Variants in GREB1L observed in about 807,000 individuals in gnomAD.
The protein encoded by GREB1L is GREB1 like retinoic acid receptor coactivator.
Under a neutral mutation model 200.8 loss-of-function variants are expected in GREB1L, and 17 were observed. That is an observed-to-expected ratio of 0.08 (90% CI 0.06 to 0.13). GREB1L has a LOEUF of 0.13. Ranked by LOEUF, GREB1L falls within the 10% of genes least tolerant of loss-of-function variation. GREB1L has a pLI of 1.00. For synonymous variants in GREB1L, 789 were observed against 893.0 expected (o/e 0.88, Z 2.08); for missense variants, 1,657 against 2,367.7 (o/e 0.70, Z 6.23).
At position 21,473,305 on chromosome 18, in the gene GREB1L, C is replaced by T. The variant is rs1203875976; in HGVS notation, c.2363+94C>T. 8 of 975,272 alleles carry T rather than the reference C, an allele frequency of 8.2e-6. 1 individual carries two copies. The Admixed American group carries it at 2.0e-4, about 24-fold the overall frequency. The allele number at this position is 975,272 out of a possible 1,614,324, so 60.4% of individuals were successfully genotyped here. A position where few individuals can be genotyped will look rare whatever the true frequency, so the allele number is the denominator to read the frequency against. On this transcript the variant is annotated intron_variant, in intron 16 of 32. Coordinates refer to ENST00000424526, the MANE Select transcript of GREB1L (RefSeq NM_001142966.3). ...TTAAAGATGGCCAGGCGCGGTGGCTCACACCTGTAATCCCAACACTTTGGG... is the reference window on the plus strand; with the variant it reads ...TTAAAGATGGCCAGGCGCGGTGGCTTACACCTGTAATCCCAACACTTTGGG...
At chr18:21,397,541 A>T (rs7241729) in intron 5 of GREB1L, among the ~76,000 whole-genome samples, 29,468 of 125,434 alleles carry the variant, frequency 0.23, 3,698 homozygotes, top group East Asian at 0.34. Flanking sequence ...AAAAAAAAAA[A>T]AATAATAATA....
intron 1 of GREB1L, among the ~76,000 whole-genome samples, chr18:21,250,242 A>C (rs1186655915): frequency 6.6e-6 from 1 of 152,194 alleles, no homozygotes; most frequent in Non-Finnish European, 1.5e-5. Flanking sequence ...TCTCTAGTGC[A>C]CCACACTCTC....
At chr18:21,521,610 CAG>C (rs1205091880) in intron 32 of GREB1L, among the ~76,000 whole-genome samples, 1 of 152,014 alleles carries the variant, frequency 6.6e-6, no homozygotes, top group Non-Finnish European at 1.5e-5. Context: ...TCCCAGGAGA[CAG>C]AGACACTTCT....
At chr18:21,404,171 G>A (rs987903021) in intron 7 of GREB1L, among the ~76,000 whole-genome samples, 177 bp downstream of exon 7, 1 of 152,222 alleles carries the variant, frequency 6.6e-6, no homozygotes, top group African/African-American at 2.4e-5. Flanking sequence ...TGGATGACCA[G>A]AATCCAAGTC....
chr18:21,254,838 G>T (rs915727824), intron 1 of GREB1L, among the ~76,000 whole-genome samples: 1 of 152,010 alleles, frequency 6.6e-6, no homozygotes, highest in Non-Finnish European at 1.5e-5. Flanking sequence ...TCAGAAAAAG[G>T]CTCTTTATGT....
At position 21,485,601 on chromosome 18, in the gene GREB1L, G is replaced by C. The variant is rs757355788; in HGVS notation, c.2557-19G>C. ...TGTATCCTGTCCTCATTGGGTTTTT[G>C]CTCTGTATTTTGAACCAGGAGGACG... On this transcript the variant is annotated intron_variant, in intron 17 of 32. Transcript: ENST00000424526. 5.8e-6 allele frequency: 9 copies of C among 1,547,792 alleles called. No homozygotes were observed. The highest frequency in any genetic ancestry group is 4.1e-5 in the African/African-American group (3 of 72,936).
chr18:21,349,697 A>G (rs780347916), intron 1 of GREB1L, among the ~76,000 whole-genome samples: 4 of 151,904 alleles, frequency 2.6e-5, no homozygotes, highest in Non-Finnish European at 5.9e-5. Flanking sequence ...TGAGAATCTA[A>G]TGCCTGATGA....
At chr18:21,496,779 A>G in intron 21 of GREB1L, 81 bp downstream of exon 21, 25 of 1,467,932 alleles carry the variant, frequency 1.7e-5, no homozygotes, top group Non-Finnish European at 2.0e-5. Context: ...AGAGGCATTT[A>G]CTGACACCCC....
intron 27 of GREB1L, among the ~76,000 whole-genome samples, chr18:21,512,847 G>A (rs927253166): frequency 2.6e-5 from 4 of 152,028 alleles, no homozygotes; most frequent in Admixed American, 1.3e-4. Flanking sequence ...TTACACACAC[G>A]TTCTTGGAAG....
At chr18:21,268,009 T>A (rs2144214820) in intron 1 of GREB1L, among the ~76,000 whole-genome samples, 1 of 152,256 alleles carries the variant, frequency 6.6e-6, no homozygotes, top group East Asian at 1.9e-4. Flanking sequence ...TGTAAGAGGA[T>A]CACATTGGCA....
At chr18:21,417,430 C>T (rs1278011474) in intron 7 of GREB1L, among the ~76,000 whole-genome samples, 4 of 151,988 alleles carry the variant, frequency 2.6e-5, no homozygotes, top group African/African-American at 9.7e-5. Context: ...ACGAGAATCG[C>T]TTTAACCCGG....
chr18:21,251,182 GTTAC>G (rs200404447), intron 1 of GREB1L, among the ~76,000 whole-genome samples: 5,921 of 152,106 alleles, frequency 0.039, 371 homozygotes, highest in African/African-American at 0.14. Flanking sequence ...GAAAACTGTA[GTTAC>G]TTCTTTTTTA....
chr18:21,457,022 A>G (rs1288652604), intron 15 of GREB1L, among the ~76,000 whole-genome samples: 1 of 152,138 alleles, frequency 6.6e-6, no homozygotes, highest in Non-Finnish European at 1.5e-5. Flanking sequence ...CAAACACATC[A>G]TGGCACCTGT....
chr18:21,258,050 C>T (rs2037829468), intron 1 of GREB1L, among the ~76,000 whole-genome samples: 1 of 152,168 alleles, frequency 6.6e-6, no homozygotes. Flanking sequence ...GCCTCTGTGT[C>T]ATACTCTTGG....
intron 2 of GREB1L, among the ~76,000 whole-genome samples, chr18:21,379,070 GT>G (rs1335531990): frequency 6.6e-6 from 1 of 151,980 alleles, no homozygotes; most frequent in African/African-American, 2.4e-5. Flanking sequence ...ATATTTATCT[GT>G]TGTTTATATA....
chr18:21,318,128 A>C (rs1335495354), intron 1 of GREB1L, among the ~76,000 whole-genome samples: 1 of 151,240 alleles, frequency 6.6e-6, no homozygotes, highest in Non-Finnish European at 1.5e-5. Flanking sequence ...AAAAAAAACA[A>C]AGAGAGAAAG....
At chr18:21,373,591 C>T (rs2039963346) in intron 2 of GREB1L, among the ~76,000 whole-genome samples, 2 of 152,212 alleles carry the variant, frequency 1.3e-5, no homozygotes, top group South Asian at 4.1e-4. Flanking sequence ...GCCTTGGCCT[C>T]CCAAAGTGCT....
At chr18:21,479,678 CAA>C (rs36033923) in intron 17 of GREB1L, among the ~76,000 whole-genome samples, 6 of 126,226 alleles carry the variant, frequency 4.8e-5, no homozygotes, top group Admixed American at 7.7e-5. Flanking sequence ...GACCCTGTCT[CAA>C]AAAAAAAAAA....
At chr18:21,359,877 G>A (rs1267202641) in intron 1 of GREB1L, among the ~76,000 whole-genome samples, 2 of 152,128 alleles carry the variant, frequency 1.3e-5, no homozygotes, top group Non-Finnish European at 2.9e-5. Flanking sequence ...TGCCAGTTTA[G>A]ATATTTGTGT....
Sources: allele counts gnomAD v4.1 joint callset (sites outside exome capture counted in the v4.1 genomes callset), GRCh38; gene constraint gnomAD v4.1.1; transcripts MANE v1.5; gene names NCBI Gene and HGNC (gene_info 2026-07-23, HGNC 2026-07-21).